The following TCERG1L variants were observed in gnomAD, a reference collection of about 807,000 sequenced individuals.
TCERG1L encodes transcription elongation regulator 1-like protein.
A neutral mutation model predicts 56.3 loss-of-function variants in TCERG1L; 37 were observed. That is an observed-to-expected ratio of 0.66 (90% CI 0.51 to 0.87). The LOEUF is 0.87. Ranked by LOEUF, TCERG1L falls within the 40% of genes least tolerant of loss-of-function variation. TCERG1L has a pLI of 0.00. For missense variants in TCERG1L, 799 were observed against 774.2 expected (o/e 1.03, Z -0.38); for synonymous variants, 324 against 326.3 (o/e 0.99, Z 0.08).
chr10:131,226,908 A>AGCAGAAT (rs1010605478), intron 4 of TCERG1L, among the ~76,000 whole-genome samples: 34 of 151,912 alleles, frequency 2.2e-4, no homozygotes, highest in African/African-American at 8.3e-4. Context: ...CAGAAAGAGA[A>AGCAGAAT]GCAGAATGTG....
Position 131,309,834 on chromosome 10 carries a change from C to CAAAAAAAAAAAAAAAAAAAAAAAAAAAA in TCERG1L, c.343-536_343-535insTTTTTTTTTTTTTTTTTTTTTTTTTTTT, listed in dbSNP as rs58892586. On this transcript the variant is annotated intron_variant, in intron 1 of 11. Coordinates refer to ENST00000368642, the MANE Select transcript of TCERG1L (RefSeq NM_174937.4). ...TCACCAATACAAATAGATTCTATGG[C>CAAAAAAAAAAAAAAAAAAAAAAAAAAAA]AAAAAAAAAAAAAAAAAAAAAAAAA... Among the ~76,000 whole-genome samples, 7 of 49,824 alleles carry CAAAAAAAAAAAAAAAAAAAAAAAAAAAA rather than the reference C, an allele frequency of 1.4e-4. 1 individual carries two copies. Among genetic ancestry groups the CAAAAAAAAAAAAAAAAAAAAAAAAAAAA allele is most frequent in the Non-Finnish European group, 1.7e-4 (5 of 28,712 alleles). 32.7% of individuals were successfully genotyped at this position (49,824 alleles called of 152,430 possible).
At chr10:131,227,977 C>T (rs1299148860) in intron 4 of TCERG1L, among the ~76,000 whole-genome samples, 1 of 151,918 alleles carries the variant, frequency 6.6e-6, no homozygotes, top group East Asian at 1.9e-4. Context: ...CTCACCCCAC[C>T]CCTCCTCACC....
intron 6 of TCERG1L, chr10:131,161,520 T>C (rs1278960359): frequency 6.6e-6 from 1 of 152,204 alleles, no homozygotes; most frequent in Non-Finnish European, 1.5e-5. Context: ...ACCAAGTCCC[T>C]GACCTGGTAG....
At chr10:131,128,007 C>T (rs772646609) in intron 8 of TCERG1L, among the ~76,000 whole-genome samples, 2 of 151,650 alleles carry the variant, frequency 1.3e-5, no homozygotes, top group African/African-American at 2.4e-5. Flanking sequence ...CAAAAAGAAG[C>T]TAAATAGTAA....
intron 9 of TCERG1L, among the ~76,000 whole-genome samples, chr10:131,105,589 A>C (rs978772749): frequency 1.3e-5 from 2 of 151,242 alleles, no homozygotes; most frequent in Admixed American, 6.6e-5. Context: ...AGGTGATGGA[A>C]TACTCGTTCA....
intron 4 of TCERG1L, among the ~76,000 whole-genome samples, chr10:131,187,525 C>T (rs933265231): frequency 5.3e-5 from 8 of 152,178 alleles, no homozygotes; most frequent in Non-Finnish European, 7.3e-5. Context: ...CCCCAACTCC[C>T]GCCCGTGCTT....
intron 7 of TCERG1L, among the ~76,000 whole-genome samples, chr10:131,143,308 TCTTCA>T (rs1383965323): frequency 6.6e-6 from 1 of 152,108 alleles, no homozygotes; most frequent in African/African-American, 2.4e-5. Context: ...GAAGGCCCTC[TCTTCA>T]CTTCTTACCC....
chr10:131,267,066 C>T lies in TCERG1L; in HGVS notation c.671-6622G>A, dbSNP rs537021657. Among the ~76,000 whole-genome samples the T allele has an allele frequency of 6.6e-6, 1 of 152,082 alleles. No homozygotes were observed. The highest frequency in any genetic ancestry group is 1.5e-5 in the Non-Finnish European group (1 of 68,002). ...CCTGAAGGTGCATCCTCATCTGGAA[C>T]CCACTCCTTCACACCCAGGAGCCCG... is the stretch of plus-strand genomic sequence containing the variant. On this transcript the variant is annotated intron_variant, in intron 3 of 11. Transcript: ENST00000368642. The surrounding 1 kb of genome is among the most constrained non-coding windows in gnomAD (Gnocchi z 4.9).
intron 4 of TCERG1L, among the ~76,000 whole-genome samples, chr10:131,233,574 T>A (rs1434717195): frequency 6.6e-6 from 1 of 152,196 alleles, no homozygotes; most frequent in Non-Finnish European, 1.5e-5. Context: ...TCCTTTTCCC[T>A]CTGGATATTT....
chr10:131,260,667 G>GCC lies in TCERG1L; in HGVS notation c.671-225_671-224dup, dbSNP rs1015958654. Among the ~76,000 whole-genome samples the GCC allele has an allele frequency of 4.3e-4, 66 of 152,244 alleles. No homozygotes were observed. Among genetic ancestry groups the GCC allele is most frequent in the African/African-American group, 1.6e-3 (66 of 41,550 alleles). ...GCCATGCAACCAGTGCACACACAGA[G>GCC]CCGTGTGATGCCCAGTGAGCTGCAA... On this transcript the variant is annotated intron_variant, in intron 3 of 11. Coordinates refer to ENST00000368642, the MANE Select transcript of TCERG1L (RefSeq NM_174937.4). This position sits in a 1 kb window ranked among gnomAD's most constrained non-coding sequence, Gnocchi z 5.8.
At chr10:131,266,783 C>T (rs1237767644) in intron 3 of TCERG1L, among the ~76,000 whole-genome samples, 1 of 152,132 alleles carries the variant, frequency 6.6e-6, no homozygotes, top group Non-Finnish European at 1.5e-5. Context: ...GAGAGGGTAG[C>T]TCCTCTCTGT....
chr10:131,176,208 G>A (rs1413421010), intron 4 of TCERG1L, among the ~76,000 whole-genome samples: 1 of 152,148 alleles, frequency 6.6e-6, no homozygotes, highest in African/African-American at 2.4e-5. Flanking sequence ...GTGCCCATCC[G>A]AGAGGCCAAT....
chr10:131,182,559 G>A (rs888978029), intron 4 of TCERG1L, among the ~76,000 whole-genome samples: 1 of 152,154 alleles, frequency 6.6e-6, no homozygotes, highest in Non-Finnish European at 1.5e-5. Flanking sequence ...CATGCTTCTC[G>A]GAACTCTGCA....
intron 7 of TCERG1L, among the ~76,000 whole-genome samples, chr10:131,138,562 T>G (rs1044049851): frequency 6.6e-6 from 1 of 152,176 alleles, no homozygotes; most frequent in African/African-American, 2.4e-5. Flanking sequence ...TAGGGCCAAT[T>G]CATCTGATAA....
chr10:131,282,687 T>A (rs1846474056), intron 3 of TCERG1L, among the ~76,000 whole-genome samples: 1 of 152,180 alleles, frequency 6.6e-6, no homozygotes, highest in South Asian at 2.1e-4. Context: ...AGGCACTCAA[T>A]CATATCTGTG....
chr10:131,189,673 C>T (rs1340818793), intron 4 of TCERG1L, among the ~76,000 whole-genome samples: 1 of 152,098 alleles, frequency 6.6e-6, no homozygotes, highest in Non-Finnish European at 1.5e-5. Context: ...ATATTGATTT[C>T]ATTTCCTTTG....
At chr10:131,289,086 C>T (rs2944520) in intron 3 of TCERG1L, among the ~76,000 whole-genome samples, 29,190 of 151,790 alleles carry the variant, frequency 0.19, 3,737 homozygotes, top group Non-Finnish European at 0.28. Context: ...CCTGACAAAA[C>T]ATGATTCAGA....
chr10:131,094,527 G>A (rs562615469), intron 11 of TCERG1L, among the ~76,000 whole-genome samples: 9 of 152,232 alleles, frequency 5.9e-5, no homozygotes, highest in East Asian at 3.9e-4. Flanking sequence ...TGAACAATTC[G>A]TCTCATTCCT....
At chr10:131,227,577 C>T (rs564567652) in intron 4 of TCERG1L, among the ~76,000 whole-genome samples, 1 of 152,350 alleles carries the variant, frequency 6.6e-6, no homozygotes, top group East Asian at 1.9e-4. Flanking sequence ...GACCGCCCAG[C>T]CCATGCGCCT....
Sources: gnomAD v4.1 joint callset for allele counts (sites outside exome capture counted in the v4.1 genomes callset) on GRCh38, gnomAD v4.1.1 for gene constraint, Gnocchi (gnomAD v3.1) non-coding constraint, MANE v1.5 for transcripts, NCBI Gene and HGNC (gene_info 2026-07-23, HGNC 2026-07-21) for gene names.